The following BUB1B variants were observed in gnomAD, a reference collection of about 807,000 sequenced individuals.
The protein encoded by BUB1B is mitotic checkpoint serine/threonine-protein kinase BUB1 beta.
A neutral mutation model predicts 137.7 loss-of-function variants in BUB1B; 86 were observed. The ratio of observed to expected loss-of-function variants is 0.62; its 90% CI spans 0.52 to 0.75. BUB1B has a LOEUF of 0.75. BUB1B is among the 30% of genes least tolerant of loss of function. BUB1B has a pLI of 0.00. For synonymous variants in BUB1B, 420 were observed against 417.9 expected (o/e 1.00, Z -0.06); for missense variants, 1,130 against 1,236.9 (o/e 0.91, Z 1.30).
intron 5 of BUB1B, among the ~76,000 whole-genome samples, chr15:40,178,413 A>G (rs2037246119): frequency 6.6e-6 from 1 of 152,066 alleles, no homozygotes; most frequent in Non-Finnish European, 1.5e-5. Flanking sequence ...TTAATTCCAT[A>G]GTGGTCAGAG....
intron 8 of BUB1B, among the ~76,000 whole-genome samples, chr15:40,190,771 AC>A (rs1262635030): frequency 5.9e-5 from 9 of 152,356 alleles, no homozygotes; most frequent in African/African-American, 2.2e-4. Context: ...CTGATCTGAT[AC>A]GAGTCAGCTG....
rs778578509 is a variant in BUB1B, at chr15:40,185,309, C to T, written c.896C>T (p.Pro299Leu). 1 of 1,614,064 alleles carries T rather than the reference C, an allele frequency of 6.2e-7. No individual in the cohort carries two copies. Among genetic ancestry groups the T allele is most frequent in the Non-Finnish European group, 8.5e-7 (1 of 1,180,048 alleles). The change falls in exon 7 of 23, where the codon CCC becomes CTC. Residue 299 changes from proline (P) to leucine (L), a missense_variant. Pro to Leu is a moderately conservative substitution (Grantham distance 98). Transcript: ENST00000287598. ...KPTVQPWIAP[P>L]MPRAKENELQ... ...ACAGTCCAGCCATGGATAGCACCCC[C>T]CATGCCCAGGGCCAAAGAGAATGAG...
intron 2 of BUB1B, 150 bp from the exon 3 acceptor site, chr15:40,169,912 C>T (rs2037142656): frequency 4.0e-6 from 3 of 748,366 alleles, no homozygotes; most frequent in South Asian, 3.1e-5. Context: ...CATGCCTGGC[C>T]TTTTTCTATT....
chr15:40,219,168 C>A (rs1000539834), intron 22 of BUB1B, among the ~76,000 whole-genome samples: 66 of 152,222 alleles, frequency 4.3e-4, no homozygotes, highest in African/African-American at 1.6e-3. Context: ...CCTCGGCCTC[C>A]CAAAGTGCTA....
At chr15:40,166,389 G>A in intron 2 of BUB1B, 1 of 427,520 alleles carries the variant, frequency 2.3e-6, no homozygotes, top group Non-Finnish European at 4.6e-6. Context: ...GGCCAGGCTG[G>A]AGTGCAGTGG....
chr15:40,199,761 T>C (rs746643961), intron 10 of BUB1B, 34 bp downstream of exon 10: 3 of 1,442,214 alleles, frequency 2.1e-6, no homozygotes, highest in South Asian at 2.3e-5. Context: ...AAAACTAGAA[T>C]TTATTGAAAC....
In BUB1B at chr15:40,170,051, T is replaced by G. The variant is rs372718695; in HGVS notation, c.180-11T>G. The G allele has an allele frequency of 5.6e-6, 9 of 1,611,994 alleles. No homozygotes were observed. In the African/African-American group the frequency reaches 1.2e-4, roughly 22 times the overall value. ...TATTGCATATGCTAACTTTTTCTGT[T>G]TACATTTCAGGGCATTTGAATATGA... On this transcript the variant is annotated splice_polypyrimidine_tract_variant and intron_variant, in intron 2 of 22. Coordinates refer to ENST00000287598, the MANE Select transcript of BUB1B (RefSeq NM_001211.6).
intron 8 of BUB1B, among the ~76,000 whole-genome samples, chr15:40,194,745 G>A (rs2037477667): frequency 6.6e-6 from 1 of 152,070 alleles, no homozygotes; most frequent in Non-Finnish European, 1.5e-5. Flanking sequence ...GAGCACCTTG[G>A]ACTTAATATT....
intron 8 of BUB1B, among the ~76,000 whole-genome samples, chr15:40,186,737 G>C (rs930530436): frequency 6.6e-6 from 1 of 151,470 alleles, no homozygotes; most frequent in Non-Finnish European, 1.5e-5. Flanking sequence ...GAGCCACTGC[G>C]CCCAGCCCTA....
intron 9 of BUB1B, 67 bp downstream of exon 9, chr15:40,196,841 A>C (rs1478198295): frequency 1.4e-6 from 2 of 1,423,446 alleles, no homozygotes; most frequent in Admixed American, 1.7e-5. Flanking sequence ...TGACCTATTA[A>C]GTCTGAAGAA....
At position 40,172,326 on chromosome 15, in the gene BUB1B, G is replaced by A. The variant is rs535226379; in HGVS notation, c.384+1645G>A. Among the ~76,000 whole-genome samples the A allele has an allele frequency of 4.0e-4, 61 of 152,194 alleles. No individual in the cohort carries two copies. The South Asian group carries it at 0.012, about 31-fold the overall frequency. On this transcript the variant is annotated intron_variant, in intron 4 of 22. Transcript: ENST00000287598. ...GACCCTTGAACAACACAGGGCTTAG[G>A]TGTGCCCACCCCTCACCCAGTTGAA...
chr15:40,165,426 C>G (rs1297653369), intron 2 of BUB1B, among the ~76,000 whole-genome samples: 3 of 152,138 alleles, frequency 2.0e-5, no homozygotes, highest in African/African-American at 4.8e-5. Context: ...CAGCGAAACT[C>G]TTTTTATCAA....
At chr15:40,202,326 A>G in intron 12 of BUB1B, 79 bp from the exon 13 acceptor site, 1 of 1,261,372 alleles carries the variant, frequency 7.9e-7, no homozygotes, top group East Asian at 2.3e-5. Context: ...ACAACACAAA[A>G]TATTGATTAA....
At chr15:40,187,260 G>A (rs560119938) in intron 8 of BUB1B, among the ~76,000 whole-genome samples, 5 of 152,040 alleles carry the variant, frequency 3.3e-5, no homozygotes, top group African/African-American at 7.2e-5. Context: ...TGAGTATCTG[G>A]GACTACAGGC....
chr15:40,162,949 C>T (rs1295022604), intron 1 of BUB1B, among the ~76,000 whole-genome samples: 1 of 152,038 alleles, frequency 6.6e-6, no homozygotes, highest in East Asian at 1.9e-4. Context: ...GGTATAACAT[C>T]GTTTCGTTAT....
intron 8 of BUB1B, among the ~76,000 whole-genome samples, chr15:40,194,238 TTGA>T (rs2037472042): frequency 6.6e-6 from 1 of 152,212 alleles, no homozygotes; most frequent in Non-Finnish European, 1.5e-5. Context: ...TTCTTTGACT[TTGA>T]TGAACTCGTT....
intron 2 of BUB1B, 82 bp from the exon 3 acceptor site, chr15:40,169,979 TA>T: frequency 8.9e-7 from 1 of 1,119,058 alleles, no homozygotes; most frequent in Admixed American, 1.7e-5. Context: ...ACCTACTTAT[TA>T]CATGAATAAA....
chr15:40,190,191 A>G (rs933675213), intron 8 of BUB1B, among the ~76,000 whole-genome samples: 2 of 152,270 alleles, frequency 1.3e-5, no homozygotes, highest in East Asian at 3.8e-4. Flanking sequence ...AGTTTGAGGT[A>G]TGACAGCAAA....
At chr15:40,201,068 G>C in intron 12 of BUB1B, 88 bp downstream of exon 12, 1 of 1,262,182 alleles carries the variant, frequency 7.9e-7, no homozygotes, top group Non-Finnish European at 1.1e-6. Context: ...TTATGATAAA[G>C]GGATTGAAAG....
Sources: allele counts gnomAD v4.1 joint callset (sites outside exome capture counted in the v4.1 genomes callset), GRCh38; gene constraint gnomAD v4.1.1; transcripts MANE v1.5; gene names NCBI Gene and HGNC (gene_info 2026-07-23, HGNC 2026-07-21).